The following PELI2 variants were observed in gnomAD, a reference collection of about 807,000 sequenced individuals.
PELI2 encodes the protein pellino E3 ubiquitin protein ligase family member 2.
A neutral mutation model predicts 42.3 loss-of-function variants in PELI2; 23 were observed. The ratio of observed to expected loss-of-function variants is 0.54; its 90% confidence interval spans 0.39 to 0.77. The LOEUF is 0.77. Ranked by LOEUF, PELI2 falls within the 30% of genes least tolerant of loss-of-function variation. The probability of loss-of-function intolerance (pLI) is 0.00; values close to 1 mark genes in which losing one functional copy is unlikely to be tolerated. For missense variants in PELI2, 463 were observed against 553.2 expected (o/e 0.84, Z 1.64); for synonymous variants, 245 against 212.2 (o/e 1.15, Z -1.34).
chr14:56,245,837 T>A (rs1888132588), intron 2 of PELI2, among the ~76,000 whole-genome samples: 1 of 152,242 alleles, frequency 6.6e-6, no homozygotes, highest in South Asian at 2.1e-4. Flanking sequence ...GGCATTGTTT[T>A]AGATGTTGTA....
intron 1 of PELI2, among the ~76,000 whole-genome samples, chr14:56,153,046 G>T (rs921022423): frequency 2.0e-5 from 3 of 152,166 alleles, no homozygotes; most frequent in Non-Finnish European, 4.4e-5. Context: ...TGTGTGCCAT[G>T]ATAGTAGGAT....
At chr14:56,122,981 G>T (rs923439644) in intron 1 of PELI2, among the ~76,000 whole-genome samples, 1 of 151,866 alleles carries the variant, frequency 6.6e-6, no homozygotes, top group Non-Finnish European at 1.5e-5. Flanking sequence ...AGGGATTCTT[G>T]GCACAAAAAG....
At chr14:56,212,971 C>G (rs981401888) in intron 2 of PELI2, among the ~76,000 whole-genome samples, 2 of 152,180 alleles carry the variant, frequency 1.3e-5, no homozygotes, top group Non-Finnish European at 2.9e-5. Context: ...GGGTCTTAGT[C>G]CACACGTGCA....
At chr14:56,236,937 C>G (rs571881195) in intron 2 of PELI2, among the ~76,000 whole-genome samples, 48 of 152,310 alleles carry the variant, frequency 3.2e-4, no homozygotes, top group African/African-American at 1.1e-3. Context: ...TTGTTTTCTT[C>G]CAAATACTGA....
intron 1 of PELI2, among the ~76,000 whole-genome samples, chr14:56,147,944 G>T (rs1884192219): frequency 6.6e-6 from 1 of 152,182 alleles, no homozygotes; most frequent in South Asian, 2.1e-4. Flanking sequence ...ACTGAACCTG[G>T]GAACAGTTCA....
chr14:56,118,849 G>C (rs1041656760), intron 1 of PELI2, 112 bp downstream of exon 1: 29 of 617,206 alleles, frequency 4.7e-5, no homozygotes, highest in Non-Finnish European at 7.0e-5. Context: ...CGGGGCGCTC[G>C]GGGCGGCAGG....
intron 1 of PELI2, among the ~76,000 whole-genome samples, chr14:56,166,596 G>A (rs1025537769): frequency 2.6e-5 from 4 of 152,136 alleles, no homozygotes; most frequent in African/African-American, 9.7e-5. Context: ...GTCTGGGAAA[G>A]TCTTTATTTC....
intron 2 of PELI2, among the ~76,000 whole-genome samples, chr14:56,207,178 A>G (rs1185226993): frequency 1.3e-5 from 2 of 152,186 alleles, no homozygotes; most frequent in Non-Finnish European, 2.9e-5. Context: ...ATTAATAAAT[A>G]CTGTACTTTG....
chr14:56,130,352 A>G (rs920251483), intron 1 of PELI2, among the ~76,000 whole-genome samples: 3 of 152,166 alleles, frequency 2.0e-5, no homozygotes, highest in Non-Finnish European at 4.4e-5. Context: ...CATGTGACAG[A>G]GTGCTGATTC....
Position 56,288,226 on chromosome 14 carries a change from A to G in PELI2, c.310-211A>G, listed in dbSNP as rs1356239020. Among the ~76,000 whole-genome samples, 1 of 152,202 alleles carries G rather than the reference A, an allele frequency of 6.6e-6. No individual in the cohort carries two copies. Among genetic ancestry groups the G allele is most frequent in the African/African-American group, 2.4e-5 (1 of 41,450 alleles). On this transcript the variant is annotated intron_variant, in intron 3 of 5. Transcript: ENST00000267460. This position sits in a 1 kb window ranked among gnomAD's most constrained non-coding sequence, Gnocchi z 4.6. ...TATATTCTTAGCACAATACAATAAA[A>G]TTAAAAATAGGTATCTCTAATATTT...
chr14:56,180,659 C>T lies in PELI2; in HGVS notation c.207+2195C>T, dbSNP rs933362767. On this transcript the variant is annotated intron_variant, in intron 2 of 5. Transcript: ENST00000267460. This position sits in a 1 kb window ranked among gnomAD's most constrained non-coding sequence, Gnocchi z 4.4. The stretch of plus-strand genomic sequence containing the variant: ...CTTTCAGACTCTCAAACTCTCGTCC[C>T]GGCCAGCTGTACCCGGCCACTCCTG... 3.9e-5 allele frequency among the ~76,000 whole-genome samples: 6 copies of T among 152,266 alleles called. No homozygotes were observed. The highest frequency in any genetic ancestry group is 4.2e-4 in the South Asian group (2 of 4,818).
intron 2 of PELI2, among the ~76,000 whole-genome samples, chr14:56,209,707 G>C (rs1886646935): frequency 6.6e-6 from 1 of 152,180 alleles, no homozygotes; most frequent in African/African-American, 2.4e-5. Flanking sequence ...AAGAAGTCTT[G>C]AGACTAACGC....
rs1164901709 is a variant in PELI2, at chr14:56,288,734, C to T, written c.507+100C>T. On this transcript the variant is annotated intron_variant, in intron 4 of 5. Transcript: ENST00000267460. This position sits in a 1 kb window ranked among gnomAD's most constrained non-coding sequence, Gnocchi z 4.6. ...AAAAAAAATTGGCTTTGTATGTTGCCTCTAGTGAGATTTTGAGATTTTAGT... is the reference window on the plus strand; with the variant it reads ...AAAAAAAATTGGCTTTGTATGTTGCTTCTAGTGAGATTTTGAGATTTTAGT... 2 of 833,376 alleles carry T rather than the reference C, an allele frequency of 2.4e-6. No homozygotes were observed. The highest frequency in any genetic ancestry group is 3.8e-6 in the Non-Finnish European group (2 of 522,412). The allele number at this position is 833,376 out of a possible 1,614,324, so 51.6% of individuals were successfully genotyped here. A position where few individuals can be genotyped will look rare whatever the true frequency, so the allele number is the denominator to read the frequency against.
At position 56,143,955 on chromosome 14, in the gene PELI2, T is replaced by C. The variant is rs545708594; in HGVS notation, c.77+25218T>C. 1.8e-3 allele frequency among the ~76,000 whole-genome samples: 271 copies of C among 152,330 alleles called. 2 individuals are homozygous for C. Among genetic ancestry groups the C allele is most frequent in the Non-Finnish European group, 2.6e-3 (174 of 68,024 alleles). On this transcript the variant is annotated intron_variant, in intron 1 of 5. Transcript: ENST00000267460. ...GAACTCATTGCTACTGGATTATCAT[T>C]GCTTCCAGACTATCTTGGTGGAGAG...
At chr14:56,203,956 ACAGC>A (rs1188129800) in intron 2 of PELI2, among the ~76,000 whole-genome samples, 6 of 152,132 alleles carry the variant, frequency 3.9e-5, no homozygotes, top group African/African-American at 1.4e-4. Context: ...TGAAGGAGAA[ACAGC>A]CAGTACAAAG....
At chr14:56,179,243 T>G (rs1885498217) in intron 2 of PELI2, among the ~76,000 whole-genome samples, 1 of 152,180 alleles carries the variant, frequency 6.6e-6, no homozygotes, top group African/African-American at 2.4e-5. Flanking sequence ...ATGAAGCATT[T>G]CATACGGGGC....
At chr14:56,173,600 A>G (rs2139659661) in intron 1 of PELI2, among the ~76,000 whole-genome samples, 1 of 152,226 alleles carries the variant, frequency 6.6e-6, no homozygotes, top group South Asian at 2.1e-4. Flanking sequence ...ACAAGTCTGA[A>G]ATCAAGGTGT....
At chr14:56,125,150 G>A (rs367757675) in intron 1 of PELI2, among the ~76,000 whole-genome samples, 1 of 152,104 alleles carries the variant, frequency 6.6e-6, no homozygotes, top group East Asian at 1.9e-4. Context: ...CTTGCTTCTA[G>A]TTCCTGGTTC....
At chr14:56,201,950 T>C (rs1361828291) in intron 2 of PELI2, among the ~76,000 whole-genome samples, 4 of 152,264 alleles carry the variant, frequency 2.6e-5, no homozygotes, top group Admixed American at 2.0e-4. Context: ...GATACTATTC[T>C]AGCACTTAAC....
Sources: gnomAD v4.1 joint callset for allele counts (sites outside exome capture counted in the v4.1 genomes callset) on GRCh38, gnomAD v4.1.1 for gene constraint, Gnocchi (gnomAD v3.1) non-coding constraint, MANE v1.5 for transcripts, NCBI Gene and HGNC (gene_info 2026-07-23, HGNC 2026-07-21) for gene names.